The following RANBP2 variants were observed in gnomAD, a reference collection of about 807,000 sequenced individuals.
RANBP2 encodes E3 SUMO-protein ligase RanBP2.
RANBP2 carries 57 observed loss-of-function variants against 303.6 expected under a neutral mutation model. The observed-to-expected ratio is 0.19, with a 90% CI of 0.15 to 0.23. RANBP2 has a LOEUF of 0.23. Among genes scored for constraint, RANBP2 ranks in the 10% least tolerant of loss-of-function variants. RANBP2 has a pLI of 1.00. For synonymous variants in RANBP2, 1,167 were observed against 1,301.5 expected (o/e 0.90, Z 2.23); for missense variants, 3,138 against 3,780.8 (o/e 0.83, Z 4.46).
the RANBP2 span, chr2:108,884,529 GAA>G: frequency 6.6e-6 from 1 of 152,226 alleles, no homozygotes; most frequent in African/African-American, 2.4e-5. Flanking sequence ...GAGAATAAGA[GAA>G]GAGATCTTTG....
intron 4 of RANBP2, chr2:108,731,909 C>T (rs761093502): frequency 2.1e-5 from 4 of 190,838 alleles, no homozygotes; most frequent in Admixed American, 5.4e-5. Flanking sequence ...AAGCAAAAGA[C>T]AAAAGGTGGT....
intron 7 of RANBP2, among the ~76,000 whole-genome samples, chr2:108,741,939 C>T (rs528085844): frequency 6.7e-6 from 1 of 149,882 alleles, no homozygotes; most frequent in East Asian, 2.0e-4. Context: ...GGATTTTTTG[C>T]TTGGGGAGGG....
rs1678434387 is a variant in RANBP2, at chr2:108,783,915, C to T, written c.*14C>T. ...GGACAGATATAAAATCATTGTTGTT[C>T]ATAGAAAATTTCATCTGTATAAGCA... On this transcript the variant is annotated 3_prime_UTR_variant, in exon 29 of 29. Transcript: ENST00000283195. 6.3e-7 allele frequency: 1 copy of T among 1,598,250 alleles called. No individual in the cohort carries two copies. Among genetic ancestry groups the T allele is most frequent in the Non-Finnish European group, 8.6e-7 (1 of 1,166,192 alleles).
the RANBP2 span, among the ~76,000 whole-genome samples, chr2:109,452,396 C>T: frequency 2.0e-5 from 3 of 152,176 alleles, no homozygotes; most frequent in Non-Finnish European, 4.4e-5. Flanking sequence ...GCAGTATTCT[C>T]CAGTCTGTTT....
At chr2:109,662,113 T>A in the RANBP2 span, among the ~76,000 whole-genome samples, 2 of 152,164 alleles carry the variant, frequency 1.3e-5, no homozygotes, top group Non-Finnish European at 2.9e-5. Context: ...CAGGAGTCTT[T>A]CCGAGGGAGA....
chr2:109,013,234 G>A, the RANBP2 span, among the ~76,000 whole-genome samples: 12 of 152,268 alleles, frequency 7.9e-5, no homozygotes, highest in South Asian at 2.1e-4. Flanking sequence ...CGCTTCCTTC[G>A]GCGCTTGATA....
At chr2:109,300,101 G>A in the RANBP2 span, among the ~76,000 whole-genome samples, 12 of 152,202 alleles carry the variant, frequency 7.9e-5, no homozygotes, top group African/African-American at 2.7e-4. Flanking sequence ...GGATAAGAGA[G>A]GTGGACATTT....
the RANBP2 span, among the ~76,000 whole-genome samples, chr2:109,091,696 C>T: frequency 3.3e-5 from 5 of 152,212 alleles, no homozygotes; most frequent in African/African-American, 9.6e-5. Flanking sequence ...GCCCAAGAGG[C>T]CTCCTAGTTC....
chr2:109,585,827 G>A, the RANBP2 span: 8 of 1,601,024 alleles, frequency 5.0e-6, no homozygotes, highest in Admixed American at 8.4e-5. Context: ...ACGAACGAAT[G>A]TTTTCTCTTT....
At chr2:108,810,502 G>C in the RANBP2 span, among the ~76,000 whole-genome samples, 2 of 152,106 alleles carry the variant, frequency 1.3e-5, no homozygotes, top group African/African-American at 4.8e-5. Context: ...CTGTGTCCCT[G>C]GGATAAATCT....
the RANBP2 span, chr2:109,732,724 T>G: frequency 1.6e-6 from 1 of 641,544 alleles, no homozygotes; most frequent in East Asian, 3.5e-5. Context: ...CGCCTTGGTT[T>G]ATGTAGGTTT....
chr2:108,930,199 C>T, the RANBP2 span: 23 of 1,614,016 alleles, frequency 1.4e-5, no homozygotes, highest in East Asian at 2.2e-5. Context: ...CTCGTTCTCA[C>T]CGCAGTTTGA....
chr2:109,553,328 T>G, the RANBP2 span: 2 of 1,116,320 alleles, frequency 1.8e-6, no homozygotes, highest in Non-Finnish European at 2.6e-6. Context: ...GTGGATCACC[T>G]AAGGTCAGGA....
chr2:109,616,865 ATGT>A, the RANBP2 span: 1 of 167,074 alleles, frequency 6.0e-6, no homozygotes, highest in Non-Finnish European at 1.5e-5. Context: ...TTTCAATAAA[ATGT>A]TGCCTCTCTT....
the RANBP2 span, among the ~76,000 whole-genome samples, chr2:109,344,530 C>T: frequency 6.6e-6 from 1 of 152,206 alleles, no homozygotes; most frequent in Non-Finnish European, 1.5e-5. Flanking sequence ...GGTCATCAGG[C>T]AGACACTGAA....
chr2:109,630,670 A>G, the RANBP2 span, among the ~76,000 whole-genome samples: 1 of 152,168 alleles, frequency 6.6e-6, no homozygotes, highest in South Asian at 2.1e-4. Flanking sequence ...TTCCTCTCAT[A>G]GCCACACCTG....
the RANBP2 span, among the ~76,000 whole-genome samples, chr2:109,522,102 G>A: frequency 1.3e-5 from 2 of 152,094 alleles, no homozygotes; most frequent in Admixed American, 1.3e-4. Context: ...AAAACCTGCT[G>A]AATGAACATA....
chr2:109,029,272 C>A, the RANBP2 span, among the ~76,000 whole-genome samples: 26 of 152,232 alleles, frequency 1.7e-4, no homozygotes, highest in Non-Finnish European at 2.9e-4. Context: ...CCCCCATTCA[C>A]CCCCATGGCC....
At chr2:109,046,172 C>T in the RANBP2 span, among the ~76,000 whole-genome samples, 8 of 150,860 alleles carry the variant, frequency 5.3e-5, no homozygotes, top group South Asian at 2.1e-4. Context: ...GGTGTGGTGG[C>T]GGGCGCCTGT....
Sources: gnomAD v4.1 joint callset for allele counts (sites outside exome capture counted in the v4.1 genomes callset) on GRCh38, gnomAD v4.1.1 for gene constraint, MANE v1.5 for transcripts, NCBI Gene and HGNC (gene_info 2026-07-23, HGNC 2026-07-21) for gene names.